ZFYVE9: variants seen among roughly 807,000 people sequenced by gnomAD.
ZFYVE9 encodes zinc finger FYVE domain-containing protein 9.
A neutral mutation model predicts 126.7 loss-of-function variants in ZFYVE9; 43 were observed. The ratio of observed to expected loss-of-function variants is 0.34; its 90% confidence interval spans 0.27 to 0.44. ZFYVE9 has a LOEUF of 0.44. Ranked by LOEUF, ZFYVE9 falls within the 20% of genes least tolerant of loss-of-function variation. The pLI is 1.00. For missense variants in ZFYVE9, 1,476 were observed against 1,697.0 expected, an observed-to-expected ratio of 0.87 and a Z score of 2.29; for synonymous variants, 521 against 597.4, an observed-to-expected ratio of 0.87 and a Z score of 1.87.
At chr1:52,162,346 T>C in intron 1 of ZFYVE9, 1 of 383,926 alleles carries the variant, frequency 2.6e-6, no homozygotes. Context: ...TGTGACCACC[T>C]CCACTGCCGC....
At chr1:52,146,886 G>A (rs143686296) in intron 1 of ZFYVE9, among the ~76,000 whole-genome samples, 103 of 152,204 alleles carry the variant, frequency 6.8e-4, no homozygotes, top group African/African-American at 2.4e-3. Context: ...GAAAAGTGCT[G>A]TTTTTACAGG....
At chr1:52,173,745 C>T (rs7414223) in intron 1 of ZFYVE9, among the ~76,000 whole-genome samples, 111,863 of 151,804 alleles carry the variant, frequency 0.74, 45,668 homozygotes, top group Non-Finnish European at 0.9. Context: ...GTGTATGTGT[C>T]GAGGAATTTA....
intron 11 of ZFYVE9, 126 bp downstream of exon 11, chr1:52,293,803 C>A: frequency 1.1e-6 from 1 of 906,120 alleles, no homozygotes; most frequent in Non-Finnish European, 1.7e-6. Flanking sequence ...CTAAATTTGG[C>A]CAGTGTCTGC....
At chr1:52,334,561 G>A in intron 14 of ZFYVE9, 127 bp from the exon 15 acceptor site, 1 of 877,318 alleles carries the variant, frequency 1.1e-6, no homozygotes, top group Non-Finnish European at 1.8e-6. Flanking sequence ...GTGGAATATA[G>A]ATTTGATTTT....
At chr1:52,308,913 A>G (rs1646111861) in intron 13 of ZFYVE9, among the ~76,000 whole-genome samples, 1 of 152,246 alleles carries the variant, frequency 6.6e-6, no homozygotes, top group African/African-American at 2.4e-5. Context: ...TTAGCAAGAA[A>G]TATCTGTTGG....
chr1:52,194,017 G>A (rs1433120446), intron 1 of ZFYVE9, among the ~76,000 whole-genome samples: 2 of 152,106 alleles, frequency 1.3e-5, no homozygotes, highest in Non-Finnish European at 2.9e-5. Flanking sequence ...GCTGAGGCAC[G>A]AGAATTTCTT....
chr1:52,270,114 C>T (rs1645674883), intron 7 of ZFYVE9, among the ~76,000 whole-genome samples: 1 of 152,086 alleles, frequency 6.6e-6, no homozygotes, highest in South Asian at 2.1e-4. Context: ...GGATTGGTTG[C>T]ACTTCACCAC....
chr1:52,319,356 G>A (rs1160923181), intron 13 of ZFYVE9, among the ~76,000 whole-genome samples: 1 of 152,138 alleles, frequency 6.6e-6, no homozygotes, highest in East Asian at 1.9e-4. Flanking sequence ...TGGGCACAGT[G>A]GCTCACACCT....
At chr1:52,244,014 A>G (rs76928255) in intron 4 of ZFYVE9, among the ~76,000 whole-genome samples, 10,838 of 152,220 alleles carry the variant, frequency 0.071, 486 homozygotes, top group African/African-American at 0.12. Flanking sequence ...GTAGTTTGTG[A>G]AAGGGTTTAT....
rs141578777 is a variant in ZFYVE9, at chr1:52,337,831, G to A, written c.3730G>A (p.Glu1244Lys). 65 of 1,614,252 alleles carry A rather than the reference G, an allele frequency of 4.0e-5. No individual in the cohort carries two copies. The African/African-American group carries it at 6.9e-4, about 17-fold the overall frequency. Residue 1244 changes from glutamate (E) to lysine (K), a missense_variant, in exon 16 of 19, where the codon GAG (glutamate) becomes AAG (lysine). Physicochemically the swap from Glu to Lys is moderately conservative, Grantham distance 56. This residue lies in a region of ZFYVE9 where 669 missense variants were observed against 902.4 expected (regional missense o/e 0.74). Transcript: ENST00000287727. ...NMDSLRQALR[E>K]MKDFTITCGK... ...GGATTCCTTGAGGCAGGCACTGCGA[G>A]AGATGAAGGACTTCACCATCACCTG...
intron 10 of ZFYVE9, among the ~76,000 whole-genome samples, chr1:52,288,535 T>C (rs1267996980): frequency 1.3e-5 from 2 of 152,252 alleles, no homozygotes; most frequent in African/African-American, 2.4e-5. Flanking sequence ...GAAGTAGTCA[T>C]GCATAACTGC....
At chr1:52,274,418 T>A in intron 7 of ZFYVE9, 46 bp from the exon 8 acceptor site, 1 of 1,519,080 alleles carries the variant, frequency 6.6e-7, no homozygotes, top group Non-Finnish European at 8.9e-7. Flanking sequence ...CCTGCCAAAG[T>A]CTTGAATTCT....
intron 2 of ZFYVE9, among the ~76,000 whole-genome samples, chr1:52,225,319 A>G (rs184004020): frequency 1.5e-3 from 222 of 152,322 alleles, no homozygotes; most frequent in Non-Finnish European, 2.6e-3. Context: ...CATGAAAGAT[A>G]ATCACTAGCC....
At chr1:52,168,478 A>G (rs1644534421) in intron 1 of ZFYVE9, among the ~76,000 whole-genome samples, 1 of 150,936 alleles carries the variant, frequency 6.6e-6, no homozygotes, top group Non-Finnish European at 1.5e-5. Context: ...TGGCCTCCCA[A>G]AGTGCTAGGA....
At position 52,340,219 on chromosome 1, in the gene ZFYVE9, C is replaced by T; in HGVS notation, c.3927C>T (p.Ile1309=). 1 of 1,613,096 alleles carries T rather than the reference C, an allele frequency of 6.2e-7. No individual in the cohort carries two copies. The highest frequency in any genetic ancestry group is 8.5e-7 in the Non-Finnish European group (1 of 1,179,200). Residue 1309 remains isoleucine, a synonymous_variant, in exon 17 of 19, where the codon ATC becomes ATT. Coordinates refer to ENST00000287727, the MANE Select transcript of ZFYVE9 (RefSeq NM_004799.4). ...GSEYKANGKV[I]RWTEVFFLEN... ...AATATAAAGCAAATGGAAAAGTAAT[C>T]AGATGGACAGAGGTAAGGAAATGAA...
In ZFYVE9 at chr1:52,336,320, A is replaced by G. The variant is rs146539728; in HGVS notation, c.3671-1452A>G. Among the ~76,000 whole-genome samples, 1,141 of 151,736 alleles carry G rather than the reference A, an allele frequency of 7.5e-3. 18 individuals are homozygous for G. Among genetic ancestry groups the G allele is most frequent in the African/African-American group, 0.026 (1,084 of 41,360 alleles). On this transcript the variant is annotated intron_variant, in intron 15 of 18. Coordinates refer to ENST00000287727, the MANE Select transcript of ZFYVE9 (RefSeq NM_004799.4). ...AATTTACAACTCTTGACTACAAAAC[A>G]GAAACATGCCGTTAACAAATTGTTA... is the stretch of plus-strand genomic sequence containing the variant.
At chr1:52,324,856 C>A (rs772033438) in intron 13 of ZFYVE9, among the ~76,000 whole-genome samples, 1 of 152,138 alleles carries the variant, frequency 6.6e-6, no homozygotes, top group African/African-American at 2.4e-5. Context: ...TTTATTTGGC[C>A]GGGTACAGTG....
chr1:52,255,311 C>T (rs1401605223), intron 4 of ZFYVE9, among the ~76,000 whole-genome samples: 1 of 151,838 alleles, frequency 6.6e-6, no homozygotes, highest in Non-Finnish European at 1.5e-5. Flanking sequence ...GAGCCAGGCA[C>T]GGTGGGTCAT....
chr1:52,273,877 AATG>A (rs1269691572), intron 7 of ZFYVE9, among the ~76,000 whole-genome samples: 4 of 152,098 alleles, frequency 2.6e-5, no homozygotes, highest in East Asian at 1.9e-4. Flanking sequence ...GTAAATGAAA[AATG>A]ATGACATTTT....
Sources: gnomAD v4.1 joint callset for allele counts (sites outside exome capture counted in the v4.1 genomes callset) on GRCh38, gnomAD v4.1.1 for gene constraint, gnomAD v4.1.1 regional missense constraint, MANE v1.5 for transcripts, NCBI Gene and HGNC (gene_info 2026-07-23, HGNC 2026-07-21) for gene names.